Variants in SCMH1 observed in about 807,000 individuals in gnomAD.
The protein encoded by SCMH1 is Scm polycomb group protein homolog 1.
Under a neutral mutation model 70.8 loss-of-function variants are expected in SCMH1, and 37 were observed. The observed-to-expected ratio is 0.52, with a 90% CI of 0.40 to 0.69. The LOEUF is 0.69. SCMH1 is among the 30% of genes least tolerant of loss of function. The pLI, the probability that SCMH1 is intolerant of heterozygous loss-of-function variation, is 0.00. For missense variants in SCMH1, 607 were observed against 827.3 expected (o/e 0.73, Z 3.27); for synonymous variants, 292 against 307.4 (o/e 0.95, Z 0.52).
At chr1:41,141,968 C>G (rs1644126066) in intron 6 of SCMH1, among the ~76,000 whole-genome samples, 1 of 152,116 alleles carries the variant, frequency 6.6e-6, no homozygotes, top group Non-Finnish European at 1.5e-5. Context: ...ATACTAAATA[C>G]TTTCATGATA....
In SCMH1 at chr1:41,206,131, C is replaced by T. The variant is rs546936322; in HGVS notation, c.-117-19881G>A. Among the ~76,000 whole-genome samples the T allele has an allele frequency of 1.7e-3, 266 of 152,300 alleles. 1 individual carries two copies. The highest frequency in any genetic ancestry group is 0.01 in the Middle Eastern group (3 of 294). On this transcript the variant is annotated intron_variant, in intron 1 of 14. Coordinates refer to ENST00000337495, the Ensembl canonical transcript of SCMH1. ...GAAAATTCTAAAAACCAGAGCGCCT[C>T]TTCTCCTCCAAAGGATCGCAGCTCC...
At chr1:41,178,420 T>C (rs1647642428) in intron 2 of SCMH1, among the ~76,000 whole-genome samples, 1 of 152,084 alleles carries the variant, frequency 6.6e-6, no homozygotes, top group South Asian at 2.1e-4. Context: ...GGCTAAATGC[T>C]CCAAGTAAAA....
chr1:41,028,747 T>C (rs1447246955), intron 13 of SCMH1, 21 bp from the exon 15 acceptor site: 1 of 1,612,980 alleles, frequency 6.2e-7, no homozygotes, highest in Non-Finnish European at 8.5e-7. Flanking sequence ...GGAGGGCACC[T>C]ACCATAAAGG....
At chr1:41,176,561 G>A (rs1460191323) in intron 2 of SCMH1, among the ~76,000 whole-genome samples, 5 of 152,176 alleles carry the variant, frequency 3.3e-5, no homozygotes, top group African/African-American at 4.8e-5. Flanking sequence ...CTAATACTGC[G>A]CTTTTCCAAT....
At chr1:41,229,817 C>A (rs193141397) in intron 1 of SCMH1, among the ~76,000 whole-genome samples, 1 of 151,994 alleles carries the variant, frequency 6.6e-6, no homozygotes, top group African/African-American at 2.4e-5. Flanking sequence ...TAAATAATTA[C>A]ATGTTGTGAT....
At chr1:41,236,120 T>C (rs1174187977) in intron 1 of SCMH1, among the ~76,000 whole-genome samples, 1 of 152,210 alleles carries the variant, frequency 6.6e-6, no homozygotes, top group African/African-American at 2.4e-5. Flanking sequence ...ATTGCTAGAT[T>C]GTAGTTTATG....
chr1:41,073,996 G>T (rs1219332670), intron 9 of SCMH1, among the ~76,000 whole-genome samples: 1 of 151,402 alleles, frequency 6.6e-6, no homozygotes, highest in African/African-American at 2.4e-5. Context: ...ATTCATCAGA[G>T]AAATCTCCCA....
At chr1:41,214,381 G>A (rs58514545) in intron 1 of SCMH1, among the ~76,000 whole-genome samples, 1,960 of 152,132 alleles carry the variant, frequency 0.013, 40 homozygotes, top group African/African-American at 0.045. Flanking sequence ...TAACTTAAGT[G>A]TCAAAGTCCT....
At chr1:41,040,281 T>C (rs1365957127) in intron 12 of SCMH1, among the ~76,000 whole-genome samples, 3 of 152,348 alleles carry the variant, frequency 2.0e-5, no homozygotes, top group Non-Finnish European at 1.5e-5. Flanking sequence ...CTAGCCCTTA[T>C]GCATGTATTT....
intron 13 of SCMH1, among the ~76,000 whole-genome samples, chr1:41,033,095 C>T: frequency 6.6e-6 from 1 of 152,028 alleles, no homozygotes; most frequent in East Asian, 1.9e-4. Flanking sequence ...AATTTGAGAC[C>T]AGCCTGGGCA....
chr1:41,043,300 G>C (rs1646458888), intron 12 of SCMH1: 1 of 151,994 alleles, frequency 6.6e-6, no homozygotes, highest in Non-Finnish European at 1.5e-5. Context: ...CACCATGTTG[G>C]CCCAGCTGGT....
intron 8 of SCMH1, among the ~76,000 whole-genome samples, chr1:41,082,546 A>G (rs1342744435): frequency 2.0e-5 from 3 of 152,188 alleles, no homozygotes; most frequent in Non-Finnish European, 4.4e-5. Flanking sequence ...GGCCTGTCCT[A>G]AAAGAGCTCC....
chr1:41,225,220 T>C (rs1660032681), intron 1 of SCMH1, among the ~76,000 whole-genome samples: 1 of 152,174 alleles, frequency 6.6e-6, no homozygotes, highest in Non-Finnish European at 1.5e-5. Flanking sequence ...CACGAGAACC[T>C]GGGTAGGAGG....
At chr1:41,195,004 G>A (rs1251029503) in intron 1 of SCMH1, among the ~76,000 whole-genome samples, 1 of 151,788 alleles carries the variant, frequency 6.6e-6, no homozygotes, top group African/African-American at 2.4e-5. Flanking sequence ...GGTGGCACAT[G>A]CCTGTAATCC....
chr1:41,147,371 T>C (rs1184723913), intron 5 of SCMH1, among the ~76,000 whole-genome samples: 1 of 152,208 alleles, frequency 6.6e-6, no homozygotes, highest in East Asian at 1.9e-4. Flanking sequence ...TTAAGTAAGA[T>C]ATTCTTTGTA....
intron 10 of SCMH1, 152 bp downstream of exon 10, chr1:41,070,443 G>T (rs939517861): frequency 9.5e-7 from 1 of 1,048,596 alleles, no homozygotes; most frequent in Non-Finnish European, 1.3e-6. Context: ...TTGATTGTCT[G>T]ACATTATTTC....
At chr1:41,206,494 G>T (rs1371071682) in intron 1 of SCMH1, among the ~76,000 whole-genome samples, 1 of 152,086 alleles carries the variant, frequency 6.6e-6, no homozygotes, top group Non-Finnish European at 1.5e-5. Context: ...CAAGATTAGA[G>T]AAAAAAGAGT....
In SCMH1 at chr1:41,142,858, G is replaced by A; in HGVS notation, c.412+20C>T. 6.3e-7 allele frequency: 1 copy of A among 1,587,686 alleles called. No individual in the cohort carries two copies. Among genetic ancestry groups the A allele is most frequent in the East Asian group, 2.2e-5 (1 of 44,752 alleles). ...AACTATTAATAATTGGCTAGAAAGA[G>A]TTTGGGTTTACTTACTCACCAAGAG... On this transcript the variant is annotated intron_variant, in intron 6 of 14. Coordinates refer to ENST00000337495, the Ensembl canonical transcript of SCMH1.
At chr1:41,158,428 C>T (rs1417513322) in intron 4 of SCMH1, among the ~76,000 whole-genome samples, 3 of 152,124 alleles carry the variant, frequency 2.0e-5, no homozygotes, top group Admixed American at 1.3e-4. Flanking sequence ...CCAAAGAAAG[C>T]TCTAGGCTTC....
Sources: gnomAD v4.1 joint callset for allele counts (sites outside exome capture counted in the v4.1 genomes callset) on GRCh38, gnomAD v4.1.1 for gene constraint, MANE v1.5 for transcripts, NCBI Gene and HGNC (gene_info 2026-07-23, HGNC 2026-07-21) for gene names.